The following SV2C variants were observed in gnomAD, a reference collection of about 807,000 sequenced individuals.
SV2C encodes solute carrier family 22 member B3.
A neutral mutation model predicts 79.7 loss-of-function variants in SV2C; 49 were observed. The ratio of observed to expected loss-of-function variants is 0.61; its 90% CI spans 0.49 to 0.78. SV2C has a LOEUF of 0.78. SV2C is among the 30% of genes least tolerant of loss of function. SV2C has a pLI of 0.00. For missense variants in SV2C, 833 were observed against 912.9 expected (o/e 0.91, Z 1.13); for synonymous variants, 334 against 333.2 (o/e 1.00, Z -0.03).
the SV2C span, among the ~76,000 whole-genome samples, chr5:76,027,519 A>G: frequency 1.3e-5 from 2 of 152,184 alleles, no homozygotes; most frequent in African/African-American, 4.8e-5. Context: ...AATTGACAAA[A>G]TGTCTTGAAA....
At chr5:76,078,913 G>A (rs544107132), upstream of SV2C, 1 of 553,916 alleles carries the variant, frequency 1.8e-6, no homozygotes, top group Non-Finnish European at 3.6e-6. Context: ...TGACTTGCAG[G>A]GCAAAGAAGA....
rs144842256 is a variant in SV2C at position 76,228,570 on chromosome 5, G to A, written c.913+18683G>A. 2.2e-4 allele frequency among the ~76,000 whole-genome samples: 33 copies of A among 152,230 alleles called. No homozygotes were observed. The East Asian group carries it at 5.4e-3, about 25-fold the overall frequency. On this transcript the variant is annotated intron_variant, in intron 4 of 12. Transcript: ENST00000502798. Reference sequence around the variant, plus strand: ...GTAAGTCTGCCCTCCAGACTGCCACGGTTTTATGTTTGAGACTGAGGTCAC... The same window carrying A: ...GTAAGTCTGCCCTCCAGACTGCCACAGTTTTATGTTTGAGACTGAGGTCAC...
At chr5:76,112,274 C>G (rs1395892760) in intron 1 of SV2C, among the ~76,000 whole-genome samples, 1 of 152,170 alleles carries the variant, frequency 6.6e-6, no homozygotes, top group African/African-American at 2.4e-5. Context: ...CACTGGCACT[C>G]TTAGGTGGTG....
At chr5:76,066,822 G>A in the SV2C span, among the ~76,000 whole-genome samples, 1 of 148,982 alleles carries the variant, frequency 6.7e-6, no homozygotes, top group African/African-American at 2.5e-5. Context: ...AAAAAGCATG[G>A]TAGAGAAATT....
the SV2C span, among the ~76,000 whole-genome samples, chr5:75,887,974 A>G: frequency 6.6e-6 from 1 of 152,196 alleles, no homozygotes; most frequent in Non-Finnish European, 1.5e-5. Context: ...CTGAGACTGC[A>G]AGAACCTTAT....
At chr5:76,112,551 CCTT>C (rs1289739124) in intron 1 of SV2C, among the ~76,000 whole-genome samples, 2 of 152,054 alleles carry the variant, frequency 1.3e-5, no homozygotes, top group Non-Finnish European at 2.9e-5. Context: ...TCCTGCCACA[CCTT>C]TGGTGAGTTT....
At chr5:75,901,866 C>T in the SV2C span, among the ~76,000 whole-genome samples, 1 of 152,222 alleles carries the variant, frequency 6.6e-6, no homozygotes, top group Non-Finnish European at 1.5e-5. Flanking sequence ...ATCAGTGAGA[C>T]TCCGTGGGCA....
intron 3 of SV2C, among the ~76,000 whole-genome samples, chr5:76,208,408 T>G (rs908524858): frequency 2.6e-5 from 4 of 152,204 alleles, no homozygotes; most frequent in Non-Finnish European, 5.9e-5. Flanking sequence ...TCTTCCCATG[T>G]CCACTGATGC....
the SV2C span, among the ~76,000 whole-genome samples, chr5:75,993,933 C>A: frequency 6.6e-6 from 1 of 151,942 alleles, no homozygotes; most frequent in South Asian, 2.1e-4. Context: ...GGATGGAAAG[C>A]ACAAAGAATT....
the SV2C span, among the ~76,000 whole-genome samples, chr5:75,982,119 T>C: frequency 6.7e-6 from 1 of 148,750 alleles, no homozygotes; most frequent in African/African-American, 2.5e-5. Flanking sequence ...TCGGGAGATA[T>C]ACCTAATGCT....
At chr5:76,301,179 A>T (rs1401737132) in intron 11 of SV2C, among the ~76,000 whole-genome samples, 1 of 152,222 alleles carries the variant, frequency 6.6e-6, no homozygotes, top group Non-Finnish European at 1.5e-5. Flanking sequence ...AGCTGAGTAA[A>T]AGATGATATG....
At chr5:76,261,990 T>TA (rs1193684034) in intron 4 of SV2C, among the ~76,000 whole-genome samples, 1 of 152,208 alleles carries the variant, frequency 6.6e-6, no homozygotes, top group African/African-American at 2.4e-5. Context: ...CTCTTTTTTT[T>TA]ATTGTTTGGA....
At chr5:76,266,580 G>A (rs6894289) in intron 4 of SV2C, among the ~76,000 whole-genome samples, 127,182 of 152,176 alleles carry the variant, frequency 0.84, 53,360 homozygotes, top group Middle Eastern at 0.95. Context: ...ACTGTATAAT[G>A]CCACTTACAT....
chr5:76,327,608 T>C lies in SV2C; in HGVS notation c.*2061T>C, dbSNP rs1339700244. 6.6e-6 allele frequency: 1 copy of C among 152,190 alleles called. No individual in the cohort carries two copies. The highest frequency in any genetic ancestry group is 1.5e-5 in the Non-Finnish European group (1 of 68,036). 9.4% of individuals were successfully genotyped at this position (152,190 alleles called of 1,614,324 possible). ...TGGGGACCTGAGCAGGTCTTTTAGT[T>C]GAATGCAGCATGTGCAGAAATAACT... On this transcript the variant is annotated 3_prime_UTR_variant, in exon 13 of 13. Coordinates refer to ENST00000502798, the MANE Select transcript of SV2C (RefSeq NM_014979.4).
the SV2C span, among the ~76,000 whole-genome samples, chr5:75,873,266 A>G: frequency 7.9e-5 from 12 of 152,260 alleles, no homozygotes; most frequent in South Asian, 4.1e-4. Flanking sequence ...TTAAGCCCCA[A>G]TGAAAATGTA....
the SV2C span, among the ~76,000 whole-genome samples, chr5:76,048,129 A>T: frequency 2.6e-5 from 4 of 152,202 alleles, no homozygotes; most frequent in Admixed American, 6.5e-5. Context: ...TTTTCTGTTG[A>T]TTGAATTTTT....
the SV2C span, among the ~76,000 whole-genome samples, chr5:75,898,176 G>C: frequency 1.2e-4 from 19 of 152,248 alleles, no homozygotes; most frequent in Admixed American, 1.0e-3. Context: ...TCCAGTTTTT[G>C]CCCATTCAGT....
chr5:76,023,684 G>GTGTATA, the SV2C span, among the ~76,000 whole-genome samples: 59,999 of 148,428 alleles, frequency 0.4, 13,835 homozygotes, highest in Middle Eastern at 0.57. Context: ...ATGTGTGTGT[G>GTGTATA]TATATATATA....
At chr5:75,974,435 G>T in the SV2C span, among the ~76,000 whole-genome samples, 1 of 152,036 alleles carries the variant, frequency 6.6e-6, no homozygotes, top group African/African-American at 2.4e-5. Flanking sequence ...TCCCTTCAAA[G>T]ATATATCCTT....
Sources: gnomAD v4.1 joint callset for allele counts (sites outside exome capture counted in the v4.1 genomes callset) on GRCh38, gnomAD v4.1.1 for gene constraint, MANE v1.5 for transcripts, NCBI Gene and HGNC (gene_info 2026-07-23, HGNC 2026-07-21) for gene names.